Variants in APP observed in about 807,000 individuals in gnomAD.
The protein encoded by APP is amyloid beta precursor protein, also known as amyloid-beta precursor protein.
In APP, 31 loss-of-function variants were observed where a neutral mutation model predicts 101.4. The ratio of observed to expected loss-of-function variants is 0.31; its 90% CI spans 0.23 to 0.41. The LOEUF (loss-of-function observed/expected upper bound fraction) is 0.41. Ranked by LOEUF, APP falls within the 10% of genes least tolerant of loss-of-function variation. The probability of loss-of-function intolerance (pLI) is 1.00; values close to 1 mark genes in which losing one functional copy is unlikely to be tolerated. For missense variants in APP, 839 were observed against 1,003.7 expected, an observed-to-expected ratio of 0.84 and a Z score of 2.22; for synonymous variants, 366 against 364.4, an observed-to-expected ratio of 1.00 and a Z score of -0.05.
At chr21:26,064,732 C>A (rs968486730) in intron 3 of APP, among the ~76,000 whole-genome samples, 2 of 152,212 alleles carry the variant, frequency 1.3e-5, no homozygotes, top group Admixed American at 6.5e-5. Context: ...GGGTCTCAAT[C>A]CCCGGCGAGG....
intron 1 of APP, among the ~76,000 whole-genome samples, chr21:26,164,071 C>A (rs1272902300): frequency 6.6e-6 from 1 of 152,022 alleles, no homozygotes; most frequent in Admixed American, 6.5e-5. Context: ...ATAGTGAAAC[C>A]CCGTCTCTAC....
chr21:25,989,597 A>G (rs1035327144), intron 8 of APP, among the ~76,000 whole-genome samples: 1 of 152,204 alleles, frequency 6.6e-6, no homozygotes, highest in African/African-American at 2.4e-5. Flanking sequence ...TTCAGTCGAT[A>G]TATTAATATT....
At chr21:25,939,310 T>C (rs2040480319) in intron 13 of APP, among the ~76,000 whole-genome samples, 1 of 152,340 alleles carries the variant, frequency 6.6e-6, no homozygotes, top group South Asian at 2.1e-4. Flanking sequence ...CTGTCTCACA[T>C]TTGCATACAA....
At chr21:25,909,742 A>G (rs2038976221) in intron 14 of APP, among the ~76,000 whole-genome samples, 1 of 152,242 alleles carries the variant, frequency 6.6e-6, no homozygotes, top group African/African-American at 2.4e-5. Flanking sequence ...CTGAATGAAG[A>G]GGACCTTCAA....
Position 26,136,184 on chromosome 21 carries a change from A to AG in APP, c.58-24039dup, listed in dbSNP as rs376697460. ...GAAAAGAAAGAAAAGAAAGAAAGAA[A>AG]GAAAGAAAGAAAGAAAGAAAAGAAA... On this transcript the variant is annotated intron_variant, in intron 1 of 17. Transcript: ENST00000346798. Among the ~76,000 whole-genome samples, 58 of 76,652 alleles carry AG rather than the reference A, an allele frequency of 7.6e-4. 1 individual carries two copies. Among genetic ancestry groups the AG allele is most frequent in the African/African-American group, 1.9e-3 (16 of 8,428 alleles). 50.3% of individuals were successfully genotyped at this position (76,652 alleles called of 152,430 possible).
chr21:25,966,563 C>T (rs1353825450), intron 11 of APP, among the ~76,000 whole-genome samples: 3 of 152,292 alleles, frequency 2.0e-5, no homozygotes, highest in East Asian at 3.9e-4. Context: ...TAATATTCAT[C>T]TGTCCACATA....
intron 1 of APP, among the ~76,000 whole-genome samples, chr21:26,128,021 A>G (rs1292964707): frequency 1.3e-5 from 2 of 152,250 alleles, no homozygotes; most frequent in Non-Finnish European, 2.9e-5. Context: ...GATTTCCTGC[A>G]CTAAAGAAAA....
intron 3 of APP, among the ~76,000 whole-genome samples, chr21:26,074,752 A>C (rs78028773): frequency 2.8e-4 from 4 of 14,222 alleles, no homozygotes; most frequent in African/African-American, 3.4e-4. Context: ...GTGTCTCACA[A>C]AAAAAAAAAA....
chr21:26,113,978 C>T (rs886854959), intron 1 of APP, among the ~76,000 whole-genome samples: 2 of 152,212 alleles, frequency 1.3e-5, no homozygotes, highest in African/African-American at 4.8e-5. Flanking sequence ...AATGTACAAT[C>T]CACTAATGGA....
chr21:26,105,866 T>C (rs149278922), intron 2 of APP, among the ~76,000 whole-genome samples: 1 of 152,238 alleles, frequency 6.6e-6, no homozygotes, highest in Non-Finnish European at 1.5e-5. Flanking sequence ...CCATACCCAC[T>C]GTGTTGCAGC....
chr21:25,970,888 G>T (rs1329524947), intron 11 of APP, among the ~76,000 whole-genome samples: 2 of 152,120 alleles, frequency 1.3e-5, no homozygotes, highest in Non-Finnish European at 2.9e-5. Context: ...TCCATAGAAA[G>T]AAAAATCAAA....
At position 26,131,257 on chromosome 21, in the gene APP, T is replaced by G. The variant is rs7282037; in HGVS notation, c.58-19111A>C. Among the ~76,000 whole-genome samples the G allele has an allele frequency of 2.8e-3, 425 of 151,642 alleles. 2 individuals are homozygous for G. Among genetic ancestry groups the G allele is most frequent in the African/African-American group, 9.9e-3 (411 of 41,370 alleles). On this transcript the variant is annotated intron_variant, in intron 1 of 17. Transcript: ENST00000346798. ...AAAATAAATAAATAAATAAATAAATTAATTAATTAATTTAAAAAAAAAGGT... is the reference window on the plus strand; with the variant it reads ...AAAATAAATAAATAAATAAATAAATGAATTAATTAATTTAAAAAAAAAGGT...
chr21:26,013,281 C>T (rs1332984476), intron 6 of APP, among the ~76,000 whole-genome samples: 1 of 152,124 alleles, frequency 6.6e-6, no homozygotes, highest in East Asian at 1.9e-4. Flanking sequence ...CGCGCCATTG[C>T]ACTCCAGCCT....
At chr21:25,924,411 C>CAAAAAAAAAAAAAAAAAAAA (rs551284093) in intron 13 of APP, among the ~76,000 whole-genome samples, 1 of 56,818 alleles carries the variant, frequency 1.8e-5, no homozygotes, top group Non-Finnish European at 2.9e-5. Context: ...TTTGCAAATA[C>CAAAAAAAAAAAAAAAAAAAA]AAAAAAAAAA....
intron 1 of APP, among the ~76,000 whole-genome samples, chr21:26,129,331 C>A (rs368897021): frequency 6.6e-6 from 1 of 151,948 alleles, no homozygotes; most frequent in African/African-American, 2.4e-5. Flanking sequence ...ATTAGCCATG[C>A]GTGGTGGCAG....
intron 5 of APP, among the ~76,000 whole-genome samples, chr21:26,049,917 G>A (rs2045767390): frequency 6.6e-6 from 1 of 152,138 alleles, no homozygotes; most frequent in Non-Finnish European, 1.5e-5. Context: ...ACTGTGTTCA[G>A]GTACTGAAAT....
intron 15 of APP, among the ~76,000 whole-genome samples, chr21:25,901,323 A>AAAAC (rs1415299377): frequency 4.7e-5 from 3 of 64,166 alleles, no homozygotes; most frequent in East Asian, 3.9e-4. Flanking sequence ...AAAAAACAAA[A>AAAAC]CCAAGAGCTC....
At chr21:25,905,727 T>C (rs576289085) in intron 14 of APP, among the ~76,000 whole-genome samples, 1 of 152,318 alleles carries the variant, frequency 6.6e-6, no homozygotes, top group South Asian at 2.1e-4. Context: ...ATATTTCATT[T>C]TATATTTGCC....
chr21:25,973,286 A>G (rs1016457270), intron 11 of APP, among the ~76,000 whole-genome samples: 1 of 152,216 alleles, frequency 6.6e-6, no homozygotes, highest in African/African-American at 2.4e-5. Context: ...TGGTCTTCCC[A>G]ATCCAAAGGA....
Sources: gnomAD v4.1 joint callset for allele counts (sites outside exome capture counted in the v4.1 genomes callset) on GRCh38, gnomAD v4.1.1 for gene constraint, MANE v1.5 for transcripts, NCBI Gene and HGNC (gene_info 2026-07-23, HGNC 2026-07-21) for gene names.